C12orf42: variants seen among roughly 807,000 people sequenced by gnomAD.
C12orf42 encodes the protein chromosome 12 open reading frame 42.
C12orf42 carries 25 observed loss-of-function variants against 21.6 expected under a neutral mutation model. That is an observed-to-expected ratio of 1.16 (90% CI 0.84 to 1.62). The LOEUF is 1.62. Among genes scored for constraint, C12orf42 ranks in the 40% most tolerant of loss-of-function variants. The pLI is 0.00. For missense variants in C12orf42, 483 were observed against 459.3 expected, an observed-to-expected ratio of 1.05 and a Z score of -0.47; for synonymous variants, 174 against 175.0, an observed-to-expected ratio of 0.99 and a Z score of 0.05.
chr12:103,445,733 G>A (rs182503047), intron 2 of C12orf42, among the ~76,000 whole-genome samples: 6 of 152,060 alleles, frequency 3.9e-5, no homozygotes, highest in East Asian at 3.9e-4. Flanking sequence ...ATGCTTAAAC[G>A]AATGGAATCA....
At chr12:103,076,422 G>A in the C12orf42 span, among the ~76,000 whole-genome samples, 2 of 151,834 alleles carry the variant, frequency 1.3e-5, no homozygotes, top group East Asian at 1.9e-4. Context: ...CATCATGTTG[G>A]CCAGTCAAAC....
the C12orf42 span, among the ~76,000 whole-genome samples, chr12:103,180,338 G>A: frequency 6.6e-6 from 1 of 152,236 alleles, no homozygotes; most frequent in Admixed American, 6.5e-5. Context: ...CCTTGGGATG[G>A]CAATAACGAA....
chr12:103,225,162 G>T, the C12orf42 span, among the ~76,000 whole-genome samples: 2 of 152,188 alleles, frequency 1.3e-5, no homozygotes, highest in African/African-American at 4.8e-5. Flanking sequence ...GCATCTTTAA[G>T]ATCAAGCATG....
At chr12:103,154,733 A>G in the C12orf42 span, among the ~76,000 whole-genome samples, 1 of 152,214 alleles carries the variant, frequency 6.6e-6, no homozygotes, top group Non-Finnish European at 1.5e-5. Context: ...AGGGGAAAAA[A>G]GGAGGAAATT....
intron 4 of C12orf42, among the ~76,000 whole-genome samples, chr12:103,353,029 T>C (rs1405917301): frequency 6.6e-6 from 1 of 152,146 alleles, no homozygotes; most frequent in Non-Finnish European, 1.5e-5. Context: ...CTAATCACCA[T>C]GTACTAAATG....
the C12orf42 span, among the ~76,000 whole-genome samples, chr12:103,054,693 T>C: frequency 1.3e-5 from 2 of 151,888 alleles, no homozygotes; most frequent in African/African-American, 4.8e-5. Flanking sequence ...TAGCATCAAG[T>C]ATTAAGTAGT....
chr12:103,251,986 A>T (rs1468653540), intron 10 of C12orf42, among the ~76,000 whole-genome samples: 1 of 152,160 alleles, frequency 6.6e-6, no homozygotes, highest in East Asian at 1.9e-4. Context: ...AAGTTCTGGG[A>T]TACATGTGCT....
chr12:103,364,546 A>T (rs1290781558), intron 4 of C12orf42, among the ~76,000 whole-genome samples: 1 of 152,078 alleles, frequency 6.6e-6, no homozygotes, highest in Non-Finnish European at 1.5e-5. Context: ...AAATGAACAA[A>T]AAGTGTGTTC....
the C12orf42 span, among the ~76,000 whole-genome samples, chr12:103,133,198 C>T: frequency 0.032 from 4,825 of 152,200 alleles, 268 homozygotes; most frequent in African/African-American, 0.11. Flanking sequence ...TAGGCACAAC[C>T]TAAGGGCCTA....
the C12orf42 span, among the ~76,000 whole-genome samples, chr12:103,150,373 T>C: frequency 6.6e-6 from 1 of 152,334 alleles, no homozygotes; most frequent in Non-Finnish European, 1.5e-5. Flanking sequence ...TCCACACAAA[T>C]TTGATACTTG....
chr12:103,422,672 A>T (rs1439346425), intron 2 of C12orf42, among the ~76,000 whole-genome samples: 1 of 152,172 alleles, frequency 6.6e-6, no homozygotes, highest in African/African-American at 2.4e-5. Context: ...TTTTAAAGCA[A>T]AAATAAAGGA....
upstream of C12orf42, among the ~76,000 whole-genome samples, chr12:103,496,511 A>G (rs1247608333): frequency 6.6e-6 from 1 of 152,168 alleles, no homozygotes; most frequent in Non-Finnish European, 1.5e-5. Flanking sequence ...GGTCAAGGAC[A>G]TTTAGCTGTG....
At chr12:103,177,032 A>G in the C12orf42 span, among the ~76,000 whole-genome samples, 1 of 152,170 alleles carries the variant, frequency 6.6e-6, no homozygotes, top group Non-Finnish European at 1.5e-5. Context: ...TCAACAGTTT[A>G]TGAGATATGA....
rs191738767 is a variant in C12orf42, at chr12:103,283,194, A to G, written n.338-5984T>C. 6.6e-5 allele frequency among the ~76,000 whole-genome samples: 10 copies of G among 152,334 alleles called. No individual in the cohort carries two copies. In the East Asian group the frequency reaches 1.7e-3, roughly 26 times the overall value. On this transcript the variant is annotated intron_variant and non_coding_transcript_variant, in intron 4 of 6. Coordinates refer to the C12orf42 transcript ENST00000546526. ...CTAGCATTTTATCCTGTGCCTTTGC[A>G]TGTCATCAGTATACCACGTAGGCAT...
chr12:103,516,752 G>A, the C12orf42 span, among the ~76,000 whole-genome samples: 2 of 152,176 alleles, frequency 1.3e-5, no homozygotes, highest in East Asian at 1.9e-4. Flanking sequence ...GGGACACAGA[G>A]CCAAACCATA....
the C12orf42 span, among the ~76,000 whole-genome samples, chr12:103,226,043 C>T: frequency 1.3e-5 from 2 of 152,162 alleles, no homozygotes; most frequent in Admixed American, 1.3e-4. Context: ...GTTGAACAGT[C>T]CAATTTTCAG....
At chr12:103,407,490 C>G (rs1374460347) in intron 2 of C12orf42, among the ~76,000 whole-genome samples, 1 of 152,122 alleles carries the variant, frequency 6.6e-6, no homozygotes, top group Admixed American at 6.5e-5. Flanking sequence ...TTCACTTCTA[C>G]TTAACAAATA....
chr12:103,102,143 T>C, the C12orf42 span, among the ~76,000 whole-genome samples: 13 of 152,338 alleles, frequency 8.5e-5, 1 homozygote, highest in East Asian at 2.5e-3. Context: ...AAAGATCCAT[T>C]GCAAAGAAGC....
Position 103,405,457 on chromosome 12 carries a change from A to T in C12orf42, c.79-3782T>A, listed in dbSNP as rs1265497243. Among the ~76,000 whole-genome samples the T allele has an allele frequency of 3.9e-5, 6 of 152,302 alleles. No homozygotes were observed. The South Asian group carries it at 8.3e-4, about 21-fold the overall frequency. On this transcript the variant is annotated intron_variant, in intron 2 of 5. Coordinates refer to ENST00000548883, the MANE Select transcript of C12orf42 (RefSeq NM_198521.5). ...TAAGGCTGGAGAAGGGGGTCTTCAGATGAGCCCAAAGGTCTGAGCAAAGGG... is the reference window on the plus strand; with the variant it reads ...TAAGGCTGGAGAAGGGGGTCTTCAGTTGAGCCCAAAGGTCTGAGCAAAGGG...
Sources: gnomAD v4.1 joint callset for allele counts (sites outside exome capture counted in the v4.1 genomes callset) on GRCh38, gnomAD v4.1.1 for gene constraint, MANE v1.5 for transcripts, NCBI Gene and HGNC (gene_info 2026-07-23, HGNC 2026-07-21) for gene names.